COMMD1: variants seen among roughly 807,000 people sequenced by gnomAD.
The protein encoded by COMMD1 is COMM domain-containing protein 1.
COMMD1 carries 10 observed loss-of-function variants against 17.2 expected under a neutral mutation model. The observed-to-expected ratio is 0.58, with a 90% CI of 0.36 to 0.99. The LOEUF (loss-of-function observed/expected upper bound fraction) is 0.99, where lower values mean the gene tolerates loss of function less well. Ranked by LOEUF, COMMD1 falls within the 50% of genes least tolerant of loss-of-function variation. COMMD1 has a pLI of 0.01. For synonymous variants in COMMD1, 97 were observed against 91.6 expected, an observed-to-expected ratio of 1.06 and a Z score of -0.34; for missense variants, 270 against 231.8, an observed-to-expected ratio of 1.17 and a Z score of -1.07.
chr2:62,078,192 G>A (rs1208280575), intron 2 of COMMD1, among the ~76,000 whole-genome samples: 6 of 142,704 alleles, frequency 4.2e-5, no homozygotes, highest in African/African-American at 1.6e-4. Context: ...GGAGAATGGC[G>A]TGAACCCAGG....
At chr2:62,084,742 T>G (rs148593246) in intron 2 of COMMD1, 103 of 152,364 alleles carry the variant, frequency 6.8e-4, no homozygotes, top group African/African-American at 2.2e-3. Context: ...CTTAGTAGTA[T>G]TCTTTTAAAT....
In COMMD1 at chr2:62,058,428, T is replaced by C. The variant is rs1176924989; in HGVS notation, c.462+57446T>C. On this transcript the variant is annotated intron_variant, in intron 2 of 2. Transcript: ENST00000311832. Reference sequence around the variant, plus strand: ...GAGACAAGGGTCTCACTGTGTTGCCTAGGCTAGTCTCAAACTCCTGCACTC... The same window carrying C: ...GAGACAAGGGTCTCACTGTGTTGCCCAGGCTAGTCTCAAACTCCTGCACTC... 2.0e-5 allele frequency among the ~76,000 whole-genome samples: 3 copies of C among 152,206 alleles called. No homozygotes were observed. In the East Asian group the frequency reaches 5.8e-4, roughly 29 times the overall value.
At chr2:62,108,948 T>C (rs1235337313) in intron 2 of COMMD1, among the ~76,000 whole-genome samples, 1 of 152,200 alleles carries the variant, frequency 6.6e-6, no homozygotes, top group Non-Finnish European at 1.5e-5. Context: ...GAAGTTATTA[T>C]CCCTTTAGAT....
chr2:61,962,551 G>A (rs1671378637), intron 1 of COMMD1, among the ~76,000 whole-genome samples: 2 of 152,144 alleles, frequency 1.3e-5, no homozygotes, highest in Non-Finnish European at 2.9e-5. Context: ...GGAGGATAAG[G>A]TGGGGCTGGA....
chr2:61,906,051 G>A (rs889040142), intron 1 of COMMD1, among the ~76,000 whole-genome samples, 193 bp downstream of exon 1: 3 of 152,144 alleles, frequency 2.0e-5, no homozygotes, highest in Non-Finnish European at 4.4e-5. Context: ...TTCCTAAGGG[G>A]GACTTTTTCT....
chr2:62,076,362 G>A (rs1240506954), intron 2 of COMMD1, among the ~76,000 whole-genome samples: 1 of 152,218 alleles, frequency 6.6e-6, no homozygotes, highest in East Asian at 1.9e-4. Flanking sequence ...ATCTGAGAGG[G>A]ATGCATAAAA....
intron 1 of COMMD1, among the ~76,000 whole-genome samples, chr2:61,940,473 T>C (rs1670714570): frequency 6.6e-6 from 1 of 152,214 alleles, no homozygotes; most frequent in Non-Finnish European, 1.5e-5. Context: ...CAGACCATTC[T>C]ACCTTTTCTG....
At chr2:61,999,528 A>G (rs1035226401) in intron 1 of COMMD1, among the ~76,000 whole-genome samples, 1 of 152,210 alleles carries the variant, frequency 6.6e-6, no homozygotes, top group Non-Finnish European at 1.5e-5. Context: ...AAGCCTGGCT[A>G]TAAGGCATTG....
At chr2:62,118,792 G>A (rs965737670) in intron 2 of COMMD1, 2 of 152,218 alleles carry the variant, frequency 1.3e-5, no homozygotes, top group African/African-American at 4.8e-5. Flanking sequence ...GGCAGACCTG[G>A]GCAATTAAGC....
At chr2:61,932,081 A>T (rs149936288) in intron 1 of COMMD1, among the ~76,000 whole-genome samples, 172 of 152,308 alleles carry the variant, frequency 1.1e-3, no homozygotes, top group Non-Finnish European at 2.1e-3. Flanking sequence ...TGCAGCCTCG[A>T]TCTGCTGTCC....
chr2:61,962,145 G>A (rs1228030102), intron 1 of COMMD1, among the ~76,000 whole-genome samples: 1 of 152,170 alleles, frequency 6.6e-6, no homozygotes, highest in African/African-American at 2.4e-5. Context: ...TTAGTCATAT[G>A]ATGCTGGGGT....
chr2:61,914,749 G>C (rs934125221), intron 1 of COMMD1, among the ~76,000 whole-genome samples: 1 of 151,696 alleles, frequency 6.6e-6, no homozygotes, highest in Non-Finnish European at 1.5e-5. Context: ...GGAGTGCGGT[G>C]GTGCAAACTT....
At chr2:62,047,674 C>T (rs981348653) in intron 2 of COMMD1, among the ~76,000 whole-genome samples, 2 of 151,956 alleles carry the variant, frequency 1.3e-5, no homozygotes, top group Non-Finnish European at 2.9e-5. Context: ...AGGCTGGTCT[C>T]GAACTCCTGA....
rs912794142 is a variant in COMMD1, at chr2:62,057,051, C to T, written c.462+56069C>T. On this transcript the variant is annotated intron_variant, in intron 2 of 2. Transcript: ENST00000311832. ...TAGACTGGACATAAGCAACACACTT[C>T]GAGTATCACTGTCTCCCACCACCCC... Among the ~76,000 whole-genome samples, 8 of 152,238 alleles carry T rather than the reference C, an allele frequency of 5.3e-5. No homozygotes were observed. The South Asian group carries it at 1.2e-3, about 24-fold the overall frequency.
At chr2:62,060,292 C>T (rs1194920256) in intron 2 of COMMD1, among the ~76,000 whole-genome samples, 1 of 152,170 alleles carries the variant, frequency 6.6e-6, no homozygotes, top group African/African-American at 2.4e-5. Context: ...GATCATACCA[C>T]TGCATTCTAG....
chr2:61,972,637 T>G (rs2103728067), intron 1 of COMMD1, among the ~76,000 whole-genome samples: 1 of 152,292 alleles, frequency 6.6e-6, no homozygotes, highest in African/African-American at 2.4e-5. Context: ...TCTGCGTTCT[T>G]TCTCCCCAAA....
rs754054245 is a variant in COMMD1 at position 62,000,684 on chromosome 2, T to C, written c.181-17T>C. ...CTATTTAATTCAAATTTTTTGCTTT[T>C]TCTGTCATCTTTATAGTCTATTGCG... On this transcript the variant is annotated splice_polypyrimidine_tract_variant and intron_variant, in intron 1 of 2. Transcript: ENST00000311832. 7 of 1,613,926 alleles carry C rather than the reference T, an allele frequency of 4.3e-6. No individual in the cohort carries two copies. In the South Asian group the frequency reaches 7.7e-5, roughly 18 times the overall value.
intron 2 of COMMD1, among the ~76,000 whole-genome samples, chr2:62,119,855 A>G (rs1672697942): frequency 6.6e-6 from 1 of 152,154 alleles, no homozygotes; most frequent in African/African-American, 2.4e-5. Flanking sequence ...ATGTATTATG[A>G]TATTTCCCCA....
At chr2:62,089,195 A>T (rs1671754773) in intron 2 of COMMD1, among the ~76,000 whole-genome samples, 1 of 151,840 alleles carries the variant, frequency 6.6e-6, no homozygotes, top group African/African-American at 2.4e-5. Context: ...AGATCTAGCT[A>T]TGTTAATAGA....
Sources: gnomAD v4.1 joint callset for allele counts (sites outside exome capture counted in the v4.1 genomes callset) on GRCh38, gnomAD v4.1.1 for gene constraint, MANE v1.5 for transcripts, NCBI Gene and HGNC (gene_info 2026-07-23, HGNC 2026-07-21) for gene names.